The following PPARD variants were observed in gnomAD, a reference collection of about 807,000 sequenced individuals.
PPARD encodes the protein peroxisome proliferator-activated receptor delta.
PPARD carries 6 observed loss-of-function variants against 39.5 expected under a neutral mutation model. The observed-to-expected ratio is 0.15, with a 90% CI of 0.08 to 0.30. PPARD has a LOEUF of 0.30. Among genes scored for constraint, PPARD ranks in the 10% least tolerant of loss-of-function variants. The pLI is 1.00. For synonymous variants in PPARD, 210 were observed against 231.3 expected, an observed-to-expected ratio of 0.91 and a Z score of 0.83; for missense variants, 397 against 596.8, an observed-to-expected ratio of 0.67 and a Z score of 3.49.
At chr6:35,388,974 A>G (rs894021673) in intron 2 of PPARD, among the ~76,000 whole-genome samples, 3 of 152,170 alleles carry the variant, frequency 2.0e-5, no homozygotes, top group Non-Finnish European at 4.4e-5. Flanking sequence ...GAGAAACTGG[A>G]CGCACAACAG....
intron 2 of PPARD, among the ~76,000 whole-genome samples, chr6:35,405,449 G>T (rs73413734): frequency 0.032 from 4,889 of 152,096 alleles, 176 homozygotes; most frequent in African/African-American, 0.081. Context: ...GTTGTCTGGG[G>T]GTCTGAAGCT....
intron 2 of PPARD, among the ~76,000 whole-genome samples, chr6:35,365,127 A>ATTTTTTT (rs1762134626): frequency 9.2e-6 from 1 of 108,670 alleles, no homozygotes; most frequent in African/African-American, 4.7e-5. Context: ...GAGCTTCCTT[A>ATTTTTTT]TTCTTTTTTT....
intron 3 of PPARD, among the ~76,000 whole-genome samples, chr6:35,411,614 T>C (rs1253236526): frequency 6.6e-6 from 1 of 152,240 alleles, no homozygotes; most frequent in Non-Finnish European, 1.5e-5. Context: ...GGGATTGTTA[T>C]GATCAGTCGA....
intron 2 of PPARD, among the ~76,000 whole-genome samples, chr6:35,373,661 GTTTC>G (rs2150551202): frequency 7.8e-6 from 1 of 127,964 alleles, no homozygotes; most frequent in East Asian, 2.1e-4. Context: ...TTCTTTCTTT[GTTTC>G]TTTCTTTCTT....
rs1253117732 is a variant in PPARD at position 35,421,837 on chromosome 6, G to A, written c.303G>A (p.Thr101=). Residue 101 remains threonine (T), a synonymous_variant, in exon 5 of 8, where the codon ACG becomes ACA. Transcript: ENST00000360694. The part of the protein sequence containing the change: ...CEGCKGFFRR[T]IRMKLEYEKC... ...TGCTTCAGGGCTTCTTCCGTCGTAC[G>A]ATCCGCATGAAGCTGGAGTACGAGA... 11 of 1,612,728 alleles carry A rather than the reference G, an allele frequency of 6.8e-6. No individual in the cohort carries two copies. The highest frequency in any genetic ancestry group is 1.7e-4 in the Middle Eastern group (1 of 6,052).
intron 3 of PPARD, among the ~76,000 whole-genome samples, chr6:35,414,519 G>A (rs1023059053): frequency 1.3e-5 from 2 of 150,284 alleles, no homozygotes; most frequent in Admixed American, 6.6e-5. Flanking sequence ...CAGAGCAGAA[G>A]GGCTTGGAGA....
intron 2 of PPARD, among the ~76,000 whole-genome samples, chr6:35,357,209 G>A (rs1034917225): frequency 2.0e-5 from 3 of 152,208 alleles, no homozygotes; most frequent in African/African-American, 7.2e-5. Flanking sequence ...GACCACATCA[G>A]TTTTCCTCTC....
chr6:35,364,740 CG>C (rs982300366), intron 2 of PPARD, among the ~76,000 whole-genome samples: 1 of 148,288 alleles, frequency 6.7e-6, no homozygotes, highest in African/African-American at 2.5e-5. Context: ...TTTTTTGAGA[CG>C]GGGTCTCACT....
intron 3 of PPARD, among the ~76,000 whole-genome samples, chr6:35,419,038 T>C (rs536318101): frequency 1.3e-5 from 2 of 152,220 alleles, no homozygotes; most frequent in East Asian, 1.9e-4. Flanking sequence ...GCCTGTGTAG[T>C]AGACAGGTAT....
At chr6:35,417,907 A>G (rs1765882172) in intron 3 of PPARD, among the ~76,000 whole-genome samples, 1 of 152,222 alleles carries the variant, frequency 6.6e-6, no homozygotes, top group South Asian at 2.1e-4. Context: ...GGTGCTTATC[A>G]TGTGTCTTTT....
chr6:35,351,647 G>GT (rs1761257526), intron 2 of PPARD, among the ~76,000 whole-genome samples: 1 of 151,996 alleles, frequency 6.6e-6, no homozygotes, highest in Admixed American at 6.6e-5. Context: ...TCCAACTTCT[G>GT]GGCTCAAGTA....
intron 5 of PPARD, among the ~76,000 whole-genome samples, chr6:35,422,455 C>CA (rs772571716): frequency 2.6e-5 from 4 of 152,182 alleles, no homozygotes; most frequent in Non-Finnish European, 4.4e-5. Flanking sequence ...TCCCAGGAGA[C>CA]AGAGCCTTCT....
intron 2 of PPARD, among the ~76,000 whole-genome samples, chr6:35,371,093 A>G (rs1482469065): frequency 6.6e-6 from 1 of 152,178 alleles, no homozygotes; most frequent in African/African-American, 2.4e-5. Context: ...TGCATCTTAG[A>G]AATCACTCAC....
chr6:35,380,477 T>G (rs13193854), intron 2 of PPARD, among the ~76,000 whole-genome samples: 18 of 15,064 alleles, frequency 1.2e-3, no homozygotes, highest in East Asian at 4.6e-3. Flanking sequence ...TTTTTGTTTG[T>G]TTTTTTTTTT....
Position 35,425,701 on chromosome 6 carries a change from T to A in PPARD, c.1079-131T>A. On this transcript the variant is annotated intron_variant, in intron 7 of 7. Transcript: ENST00000360694. The surrounding 1 kb of genome is among the most constrained non-coding windows in gnomAD (Gnocchi z 4.5). ...ATTAGAACACCCAGTGGAGCATTGC[T>A]GATGGGACAGGGCTTGGTCTGTCAC... The A allele has an allele frequency of 3.0e-6, 4 of 1,352,592 alleles. No individual in the cohort carries two copies. Among genetic ancestry groups the A allele is most frequent in the African/African-American group, 1.5e-5 (1 of 68,902 alleles). 83.8% of individuals were successfully genotyped at this position (1,352,592 alleles called of 1,614,324 possible).
intron 3 of PPARD, among the ~76,000 whole-genome samples, 158 bp from the exon 4 acceptor site, chr6:35,419,969 C>T (rs929748367): frequency 8.5e-5 from 13 of 152,188 alleles, no homozygotes; most frequent in Admixed American, 1.3e-4. Context: ...GCTGTCAGTA[C>T]CCCCTGTTCT....
Position 35,359,121 on chromosome 6 carries a change from G to T in PPARD, c.-102+11971G>T, listed in dbSNP as rs182540133. On this transcript the variant is annotated intron_variant, in intron 2 of 7. Coordinates refer to ENST00000360694, the MANE Select transcript of PPARD (RefSeq NM_006238.5). ...AAAGCAAGTTCCAAGGCCCTGCACT[G>T]GGACACAGCTGAGGTGTTCAACGCA... Among the ~76,000 whole-genome samples the T allele has an allele frequency of 1.8e-3, 281 of 152,336 alleles. 1 individual carries two copies. Among genetic ancestry groups the T allele is most frequent in the African/African-American group, 6.5e-3 (272 of 41,572 alleles).
At chr6:35,356,041 G>A (rs1474993459) in intron 2 of PPARD, among the ~76,000 whole-genome samples, 1 of 151,976 alleles carries the variant, frequency 6.6e-6, no homozygotes, top group African/African-American at 2.4e-5. Context: ...CAGCTCTCCT[G>A]AGACCGTTAC....
chr6:35,378,572 T>C (rs536674181), intron 2 of PPARD, among the ~76,000 whole-genome samples: 10 of 152,316 alleles, frequency 6.6e-5, no homozygotes, highest in African/African-American at 2.4e-4. Flanking sequence ...TCAGCGTCTC[T>C]GAGTGCCAGG....
Sources: gnomAD v4.1 joint callset for allele counts (sites outside exome capture counted in the v4.1 genomes callset) on GRCh38, gnomAD v4.1.1 for gene constraint, Gnocchi (gnomAD v3.1) non-coding constraint, MANE v1.5 for transcripts, NCBI Gene and HGNC (gene_info 2026-07-23, HGNC 2026-07-21) for gene names.